Variants in ARL3 observed in about 807,000 individuals in gnomAD.
ARL3 encodes the protein ARF like GTPase 3.
ARL3 carries 9 observed loss-of-function variants against 26.0 expected under a neutral mutation model. That is an observed-to-expected ratio of 0.35 (90% CI 0.21 to 0.60). ARL3 has a LOEUF of 0.60. Among genes scored for constraint, ARL3 ranks in the 20% least tolerant of loss-of-function variants. The probability of loss-of-function intolerance (pLI) is 0.78; values close to 1 mark genes in which losing one functional copy is unlikely to be tolerated. For missense variants in ARL3, 158 were observed against 215.7 expected (o/e 0.73, Z 1.67); for synonymous variants, 71 against 78.4 (o/e 0.91, Z 0.50).
chr10:102,684,340 G>A (rs921112062), intron 5 of ARL3, among the ~76,000 whole-genome samples: 3 of 151,894 alleles, frequency 2.0e-5, no homozygotes, highest in Non-Finnish European at 2.9e-5. Flanking sequence ...TAGTAGAGAC[G>A]GGGCTTCACT....
In ARL3 at chr10:102,713,800, C is replaced by T. The variant is rs576920519; in HGVS notation, c.3+473G>A. ...AAGGAGGAGAGCTAGGCTACCATCT[C>T]CCCTGCTACCGCCAGGGCGACCTCA... On this transcript the variant is annotated intron_variant, in intron 1 of 5. Coordinates refer to ENST00000260746, the MANE Select transcript of ARL3 (RefSeq NM_004311.4). 5.9e-5 allele frequency among the ~76,000 whole-genome samples: 9 copies of T among 152,372 alleles called. No homozygotes were observed. The South Asian group carries it at 1.9e-3, about 32-fold the overall frequency.
chr10:102,708,055 C>A (rs531916969), intron 1 of ARL3, among the ~76,000 whole-genome samples: 1 of 151,926 alleles, frequency 6.6e-6, no homozygotes, highest in South Asian at 2.1e-4. Context: ...CTGGGACTAC[C>A]GGCTCACACC....
In ARL3 at chr10:102,675,602, T is replaced by C. The variant is rs988650383; in HGVS notation, c.*1292A>G. ...TGTTTGAAGCTGAGGATTTCTGAGG[T>C]TCAGGGAAACAAGCTCGTTTTGCAA... is the stretch of plus-strand genomic sequence containing the variant. On this transcript the variant is annotated 3_prime_UTR_variant, in exon 6 of 6. Transcript: ENST00000260746. The C allele has an allele frequency of 4.6e-5, 7 of 152,198 alleles. No individual in the cohort carries two copies. Among genetic ancestry groups the C allele is most frequent in the African/African-American group, 1.7e-4 (7 of 41,440 alleles). The allele number at this position is 152,198 out of a possible 1,614,324, so 9.4% of individuals were successfully genotyped here. A position where few individuals can be genotyped will look rare whatever the true frequency, so the allele number is the denominator to read the frequency against.
intron 4 of ARL3, among the ~76,000 whole-genome samples, chr10:102,687,927 GTGTGTGTGTGTGTA>G (rs148129155): frequency 8.5e-4 from 128 of 151,466 alleles, no homozygotes; most frequent in Non-Finnish European, 1.3e-3. Context: ...CTTTCAATGC[GTGTGTGTGTGTGTA>G]TGTGTGTGTG....
In ARL3 at chr10:102,685,836, G is replaced by A; in HGVS notation, c.481C>T (p.Leu161Phe). The stretch of plus-strand genomic sequence containing the variant: ...CTCACCTGAACGCCCTCTCCTGTGA[G>A]AGCTGAGCAAGACTGGATCTGCCAG... Reference protein sequence around the residue: ...RVWQIQSCSALTGEGVQDGMN... With the variant: ...RVWQIQSCSAFTGEGVQDGMN... Residue 161 changes from leucine to phenylalanine, a missense_variant, in exon 5 of 6, where the codon CTC (leucine) becomes TTC (phenylalanine). Leu to Phe is a conservative substitution (Grantham distance 22). Coordinates refer to ENST00000260746, the MANE Select transcript of ARL3 (RefSeq NM_004311.4). 6.2e-7 allele frequency: 1 copy of A among 1,612,374 alleles called. No individual in the cohort carries two copies. Among genetic ancestry groups the A allele is most frequent in the Non-Finnish European group, 8.5e-7 (1 of 1,179,360 alleles).
chr10:102,702,883 T>C (rs951948564), intron 2 of ARL3, among the ~76,000 whole-genome samples: 2 of 152,222 alleles, frequency 1.3e-5, no homozygotes, highest in Non-Finnish European at 2.9e-5. Context: ...CCGTGAAGTA[T>C]GCATGCACAC....
chr10:102,688,406 G>A (rs1223865048), intron 4 of ARL3, among the ~76,000 whole-genome samples: 6 of 152,252 alleles, frequency 3.9e-5, no homozygotes, highest in African/African-American at 1.4e-4. Flanking sequence ...TCAAAAAAAG[G>A]GACATAAACA....
chr10:102,685,639 C>A (rs138980663), intron 5 of ARL3, among the ~76,000 whole-genome samples, 177 bp downstream of exon 5: 8 of 152,280 alleles, frequency 5.3e-5, no homozygotes, highest in African/African-American at 1.9e-4. Context: ...ACCTGGGGCA[C>A]TGTTGGGGCA....
intron 1 of ARL3, among the ~76,000 whole-genome samples, chr10:102,713,324 G>T (rs745463900): frequency 6.6e-6 from 1 of 152,130 alleles, no homozygotes; most frequent in Non-Finnish European, 1.5e-5. Context: ...AGTGTCAACG[G>T]TCAGATCTGT....
At chr10:102,704,405 TG>T (rs1216467150) in intron 2 of ARL3, among the ~76,000 whole-genome samples, 1 of 151,932 alleles carries the variant, frequency 6.6e-6, no homozygotes, top group Non-Finnish European at 1.5e-5. Context: ...TTTGGGAGGC[TG>T]GGGTGGGTGG....
intron 4 of ARL3, among the ~76,000 whole-genome samples, chr10:102,687,806 G>A (rs866521408): frequency 6.6e-6 from 1 of 152,096 alleles, no homozygotes; most frequent in Non-Finnish European, 1.5e-5. Context: ...GAATTATAGC[G>A]ATGAGCCATC....
Position 102,676,819 on chromosome 10 carries a change from C to A in ARL3, c.*75G>T. On this transcript the variant is annotated 3_prime_UTR_variant, in exon 6 of 6. Transcript: ENST00000260746. ...GTACACAGATGGAAAAACATTTGGTCAGAAAGCAGCAAATTAGTGTTTTTC... is the reference window on the plus strand; with the variant it reads ...GTACACAGATGGAAAAACATTTGGTAAGAAAGCAGCAAATTAGTGTTTTTC... The A allele has an allele frequency of 2.7e-6, 4 of 1,485,302 alleles. No individual in the cohort carries two copies. In the South Asian group the frequency reaches 3.4e-5, roughly 13 times the overall value. 92.0% of individuals were successfully genotyped at this position (1,485,302 alleles called of 1,614,324 possible). A position where few individuals can be genotyped will look rare whatever the true frequency, so the allele number is the denominator to read the frequency against.
chr10:102,696,973 TAC>T (rs2064251798), intron 3 of ARL3, among the ~76,000 whole-genome samples: 1 of 152,112 alleles, frequency 6.6e-6, no homozygotes, highest in South Asian at 2.1e-4. Flanking sequence ...ACAGTGTACT[TAC>T]ACACACCTAG....
chr10:102,677,049 C>T (rs1484901018), intron 5 of ARL3, 108 bp from the exon 6 acceptor site: 26 of 1,291,204 alleles, frequency 2.0e-5, no homozygotes, highest in Admixed American at 1.3e-4. Flanking sequence ...CCTCCCAGAC[C>T]GCCAGCTTTA....
chr10:102,688,314 C>T (rs1400658999), intron 4 of ARL3, among the ~76,000 whole-genome samples: 1 of 152,116 alleles, frequency 6.6e-6, no homozygotes, highest in African/African-American at 2.4e-5. Flanking sequence ...GCTCATTTCA[C>T]ATGAGTGATA....
In ARL3 at chr10:102,699,471, C is replaced by T. The variant is rs147412031; in HGVS notation, c.166G>A (p.Val56Ile). 401 of 1,607,808 alleles carry T rather than the reference C, an allele frequency of 2.5e-4. 1 individual carries two copies. Among genetic ancestry groups the T allele is most frequent in the Non-Finnish European group, 3.2e-4 (376 of 1,175,644 alleles). The change falls in exon 3 of 6, where the codon GTA becomes ATA. Residue 56 changes from valine to isoleucine, a missense_variant. Val to Ile is a conservative substitution (Grantham distance 29, BLOSUM62 3). Coordinates refer to ENST00000260746, the MANE Select transcript of ARL3 (RefSeq NM_004311.4). ...TTCAGTTTAAAACCTTGTGATTGTA[C>T]ACTTTTGATGTTGAAACCCTGAAAC... ...TPTQGFNIKS[V>I]QSQGFKLNVW...
rs1394759559 is a variant in ARL3, at chr10:102,708,904, A to T, written c.4-3415T>A. ...CCATATATTATATATATATATATAT[A>T]TATATTTTTTTTTTTTTTGAGACAA... is the stretch of plus-strand genomic sequence containing the variant. On this transcript the variant is annotated intron_variant, in intron 1 of 5. Transcript: ENST00000260746. 3.5e-3 allele frequency among the ~76,000 whole-genome samples: 380 copies of T among 109,046 alleles called. 8 individuals are homozygous for T. The highest frequency in any genetic ancestry group is 0.024 in the Admixed American group (250 of 10,306). The allele number at this position is 109,046 out of a possible 152,430, so 71.5% of individuals were successfully genotyped here.
At chr10:102,688,916 T>C (rs1431453870) in intron 4 of ARL3, among the ~76,000 whole-genome samples, 1 of 152,254 alleles carries the variant, frequency 6.6e-6, no homozygotes, top group Non-Finnish European at 1.5e-5. Flanking sequence ...TTCCTCTGGG[T>C]TCGTTTTCAC....
intron 5 of ARL3, among the ~76,000 whole-genome samples, chr10:102,678,414 GA>G (rs908998342): frequency 8.1e-5 from 12 of 147,894 alleles, no homozygotes; most frequent in Middle Eastern, 3.2e-3. Context: ...TGGTTTCCAG[GA>G]AAAAAAAAAG....
Sources: gnomAD v4.1 joint callset for allele counts (sites outside exome capture counted in the v4.1 genomes callset) on GRCh38, gnomAD v4.1.1 for gene constraint, MANE v1.5 for transcripts, NCBI Gene and HGNC (gene_info 2026-07-23, HGNC 2026-07-21) for gene names.